Variants in TEX101 observed in about 807,000 individuals in gnomAD.
The protein encoded by TEX101 is testis-expressed protein 101.
In TEX101, 10 loss-of-function variants were observed where a neutral mutation model predicts 18.1. That is an observed-to-expected ratio of 0.55 (90% CI 0.34 to 0.94). TEX101 has a LOEUF of 0.94. Ranked by LOEUF, TEX101 falls within the 40% of genes least tolerant of loss-of-function variation. The probability of loss-of-function intolerance (pLI) is 0.02; values close to 1 mark genes in which losing one functional copy is unlikely to be tolerated. For missense variants in TEX101, 259 were observed against 298.9 expected, an observed-to-expected ratio of 0.87 and a Z score of 0.98; for synonymous variants, 94 against 114.8, an observed-to-expected ratio of 0.82 and a Z score of 1.16.
the TEX101 span, among the ~76,000 whole-genome samples, chr19:43,391,364 G>A: frequency 5.4e-5 from 8 of 148,002 alleles, no homozygotes; most frequent in South Asian, 6.4e-4. Flanking sequence ...CTACACAAGC[G>A]TTCCAATTCC....
At chr19:43,418,067 A>G in intron 5 of TEX101, 61 bp downstream of exon 5, 4 of 1,613,318 alleles carry the variant, frequency 2.5e-6, no homozygotes, top group Non-Finnish European at 3.4e-6. Context: ...GTGGCTCCCC[A>G]GAGATTCTGA....
chr19:43,404,485 ATTTG>A (rs1017294847), intron 2 of TEX101, among the ~76,000 whole-genome samples: 2 of 152,124 alleles, frequency 1.3e-5, no homozygotes, highest in African/African-American at 4.8e-5. Context: ...ATATACTACA[ATTTG>A]TTTGTTATCT....
At chr19:43,413,748 T>C (rs1242801905), upstream of TEX101, among the ~76,000 whole-genome samples, 1 of 150,838 alleles carries the variant, frequency 6.6e-6, no homozygotes, top group Non-Finnish European at 1.5e-5. Context: ...AGGTTAGGAG[T>C]TCAAGACCAG....
chr19:43,410,399 T>C (rs929524309), upstream of TEX101, among the ~76,000 whole-genome samples: 2 of 151,850 alleles, frequency 1.3e-5, no homozygotes, highest in Admixed American at 6.6e-5. Context: ...AGGGATGTCC[T>C]GGGAATAGAT....
chr19:43,408,182 T>G (rs999663771), intron 3 of TEX101, among the ~76,000 whole-genome samples: 15 of 152,226 alleles, frequency 9.9e-5, no homozygotes, highest in East Asian at 1.9e-4. Flanking sequence ...CCCCGCCCTC[T>G]GGGCTTTCCG....
At chr19:43,407,033 TTAAG>T (rs1327265271) in intron 3 of TEX101, among the ~76,000 whole-genome samples, 2 of 151,546 alleles carry the variant, frequency 1.3e-5, no homozygotes, top group Admixed American at 1.3e-4. Flanking sequence ...TGATCGGCGC[TTAAG>T]TGATACTCTC....
At chr19:43,390,393 T>C in the TEX101 span, among the ~76,000 whole-genome samples, 3 of 150,998 alleles carry the variant, frequency 2.0e-5, no homozygotes, top group East Asian at 5.9e-4. Context: ...TGGTAAAATA[T>C]ATATAACATA....
intron 3 of TEX101, among the ~76,000 whole-genome samples, chr19:43,409,239 G>C (rs1394529209): frequency 3.3e-5 from 5 of 152,240 alleles, no homozygotes; most frequent in African/African-American, 9.6e-5. Flanking sequence ...ACTGCTAACA[G>C]TTGGGTGCTT....
Position 43,417,797 on chromosome 19 carries a change from T to G in TEX101, c.392-81T>G, listed in dbSNP as rs1599905577. Reference sequence around the variant, plus strand: ...GATTAGAGTGGCATCTGCAGGAAAATCTTGGGGAAGAGAAGGCAGCAAGGA... The same window carrying G: ...GATTAGAGTGGCATCTGCAGGAAAAGCTTGGGGAAGAGAAGGCAGCAAGGA... On this transcript the variant is annotated intron_variant, in intron 4 of 5. Coordinates refer to ENST00000598265, the MANE Select transcript of TEX101 (RefSeq NM_001130011.3). 1.9e-6 allele frequency: 3 copies of G among 1,572,106 alleles called. No individual in the cohort carries two copies. The East Asian group carries it at 6.8e-5, about 36-fold the overall frequency.
At chr19:43,403,036 C>G (rs1568455249) in intron 2 of TEX101, among the ~76,000 whole-genome samples, 1 of 152,132 alleles carries the variant, frequency 6.6e-6, no homozygotes. Context: ...TGGACAGATG[C>G]AAAACAGCAT....
At position 43,414,903 on chromosome 19, in the gene TEX101, GC is replaced by G. The variant is rs2122344960; in HGVS notation, c.-172del. The G allele has an allele frequency of 1.0e-6, 1 of 985,482 alleles. No homozygotes were observed. Among genetic ancestry groups the G allele is most frequent in the East Asian group, 1.1e-4 (1 of 8,812 alleles). The allele number at this position is 985,482 out of a possible 1,614,324, so 61.0% of individuals were successfully genotyped here. On this transcript the variant is annotated 5_prime_UTR_variant, in exon 1 of 6. It introduces an in-frame stop codon into an upstream open reading frame of the 5' UTR. Transcript: ENST00000598265. ...GCCTTGCGTCGTAAGAGAATGCCAA[GC>G]CCGGGGAGAAGGCGTTCCGGGCCTC...
At chr19:43,395,107 C>T in the TEX101 span, among the ~76,000 whole-genome samples, 1 of 152,122 alleles carries the variant, frequency 6.6e-6, no homozygotes, top group South Asian at 2.1e-4. Context: ...AGGGAAGGTC[C>T]ATCATGGGGA....
At chr19:43,398,245 ATAAT>A (rs978464697), upstream of TEX101, among the ~76,000 whole-genome samples, 17 of 121,116 alleles carry the variant, frequency 1.4e-4, no homozygotes, top group Non-Finnish European at 2.3e-4. Context: ...TATAAAATAT[ATAAT>A]ATATATAATA....
chr19:43,417,207 C>T (rs1451755963), intron 4 of TEX101, among the ~76,000 whole-genome samples: 1 of 152,106 alleles, frequency 6.6e-6, no homozygotes, highest in Non-Finnish European at 1.5e-5. Flanking sequence ...TCCCTCTCTT[C>T]CCTCTCTCAT....
chr19:43,399,410 C>A (rs1970300343), upstream of TEX101, among the ~76,000 whole-genome samples: 1 of 152,032 alleles, frequency 6.6e-6, no homozygotes, highest in South Asian at 2.1e-4. Flanking sequence ...ATGATCTAGG[C>A]AATGATGATG....
intron 5 of TEX101, 40 bp downstream of exon 5, chr19:43,418,046 A>C (rs745526947): frequency 9.3e-6 from 15 of 1,613,824 alleles, no homozygotes; most frequent in Non-Finnish European, 1.3e-5. Flanking sequence ...AGAGGCTGGA[A>C]AACCATTTGA....
At chr19:43,411,957 T>C (rs1259180095), upstream of TEX101, among the ~76,000 whole-genome samples, 2 of 152,182 alleles carry the variant, frequency 1.3e-5, no homozygotes, top group African/African-American at 2.4e-5. Flanking sequence ...GCACCCAGCC[T>C]AACCTCTTCA....
In TEX101 at chr19:43,416,577, T is replaced by C. The variant is rs1970482322; in HGVS notation, c.391+22T>C. On this transcript the variant is annotated intron_variant, in intron 4 of 5. Transcript: ENST00000598265. ...ACAGGTACCCTGGAAGTGGGGGAGA[T>C]AGGTACTAAGAGAAACTCCATAAAG... The C allele has an allele frequency of 1.9e-6, 3 of 1,606,066 alleles. No individual in the cohort carries two copies. The South Asian group carries it at 3.3e-5, about 18-fold the overall frequency.
At chr19:43,394,592 T>A in the TEX101 span, among the ~76,000 whole-genome samples, 2 of 151,908 alleles carry the variant, frequency 1.3e-5, no homozygotes, top group Non-Finnish European at 1.5e-5. Flanking sequence ...TGCCTCGGCC[T>A]CTGGAGTAGC....
Sources: allele counts gnomAD v4.1 joint callset (sites outside exome capture counted in the v4.1 genomes callset), GRCh38; gene constraint gnomAD v4.1.1; transcripts MANE v1.5; gene names NCBI Gene and HGNC (gene_info 2026-07-23, HGNC 2026-07-21).